Variants in PLEKHG7 observed in about 807,000 individuals in gnomAD.
The protein encoded by PLEKHG7 is pleckstrin homology domain-containing family G member 7.
In PLEKHG7, 77 loss-of-function variants were observed where a neutral mutation model predicts 85.2. The ratio of observed to expected loss-of-function variants is 0.90; its 90% CI spans 0.75 to 1.09. The LOEUF is 1.09. Among genes scored for constraint, PLEKHG7 ranks in the 50% least tolerant of loss-of-function variants. The probability of loss-of-function intolerance (pLI) is 0.00; values close to 1 mark genes in which losing one functional copy is unlikely to be tolerated. For missense variants in PLEKHG7, 777 were observed against 804.3 expected, an observed-to-expected ratio of 0.97 and a Z score of 0.41; for synonymous variants, 301 against 302.4, an observed-to-expected ratio of 1.00 and a Z score of 0.05.
intron 6 of PLEKHG7, 34 bp from the exon 7 acceptor site, chr12:92,737,344 A>G: frequency 7.2e-7 from 1 of 1,382,306 alleles, no homozygotes; most frequent in South Asian, 2.1e-5. Context: ...CTGAGGTGGA[A>G]ATGTTTTGTT....
rs377432654 is a variant in PLEKHG7, at chr12:92,756,024, C to CCAT, written c.1542+86_1542+88dup. ...AGAAATACAATCATCTTAGATGTCC[C>CCAT]CATCTGTCCACTTGAAGAATAAATC... On this transcript the variant is annotated intron_variant, in intron 12 of 16. Transcript: ENST00000344636. 1,586 of 901,728 alleles carry CCAT rather than the reference C, an allele frequency of 1.8e-3. 13 individuals carry two copies. The African/African-American group carries it at 0.024, about 14-fold the overall frequency. 55.9% of individuals were successfully genotyped at this position (901,728 alleles called of 1,614,324 possible).
intron 10 of PLEKHG7, among the ~76,000 whole-genome samples, chr12:92,751,586 C>G (rs1456045434): frequency 6.0e-5 from 9 of 151,258 alleles, no homozygotes; most frequent in African/African-American, 7.3e-5. Context: ...GTTGGCCAGG[C>G]TGGTCTCGAA....
intron 3 of PLEKHG7, chr12:92,721,513 C>A: frequency 8.1e-7 from 1 of 1,229,198 alleles, no homozygotes; most frequent in African/African-American, 1.6e-5. Context: ...CTTGGGGCAA[C>A]GCAACTCAGG....
intron 15 of PLEKHG7, among the ~76,000 whole-genome samples, chr12:92,768,375 C>T (rs1221667600): frequency 6.6e-6 from 1 of 152,196 alleles, no homozygotes; most frequent in Non-Finnish European, 1.5e-5. Context: ...ACAGAACAGG[C>T]TTTCTTTTGC....
intron 1 of PLEKHG7, among the ~76,000 whole-genome samples, chr12:92,704,357 G>A (rs1417187755): frequency 1.3e-5 from 2 of 152,136 alleles, no homozygotes; most frequent in African/African-American, 4.8e-5. Flanking sequence ...TCTCCATGTA[G>A]CAACAATGTA....
chr12:92,761,669 A>AG, intron 13 of PLEKHG7, 83 bp from the exon 14 acceptor site: 1 of 1,339,872 alleles, frequency 7.5e-7, no homozygotes, highest in Non-Finnish European at 9.7e-7. Context: ...AAAGAAAGAA[A>AG]GAAAGAAAGA....
At chr12:92,723,862 C>T (rs191652697) in intron 3 of PLEKHG7, among the ~76,000 whole-genome samples, 14 of 152,056 alleles carry the variant, frequency 9.2e-5, no homozygotes, top group Admixed American at 3.3e-4. Context: ...CTGAGGTCTC[C>T]GGGGAATAGA....
chr12:92,738,236 A>C (rs1225208474), intron 7 of PLEKHG7, among the ~76,000 whole-genome samples: 1 of 151,902 alleles, frequency 6.6e-6, no homozygotes, highest in Non-Finnish European at 1.5e-5. Flanking sequence ...GAGGCTCAGA[A>C]CACAGAATTT....
intron 13 of PLEKHG7, among the ~76,000 whole-genome samples, chr12:92,759,305 C>T (rs1265650605): frequency 6.6e-6 from 1 of 152,136 alleles, no homozygotes; most frequent in Admixed American, 6.5e-5. Flanking sequence ...GGTGTGCTCC[C>T]TGCCTGTTTG....
chr12:92,764,192 C>A lies in PLEKHG7; in HGVS notation c.1868C>A (p.Ser623Ter). The A allele has an allele frequency of 6.2e-7, 1 of 1,601,390 alleles. No homozygotes were observed. The highest frequency in any genetic ancestry group is 1.1e-5 in the South Asian group (1 of 88,602). Residue 623 changes from serine (S) to a stop codon, truncating the protein, a stop_gained and splice_region_variant, in exon 15 of 17, where the codon TCA (serine) becomes TAA (stop). Transcript: ENST00000344636. LOFTEE classifies it high-confidence loss of function. ...AAAAGTATTGAACCACTCCATGTGT[C>A]AGGTATGTGTCTATTTTCATTATTC... ...VVKSIEPLHV[S>*]VFGLRNAFLI...
intron 10 of PLEKHG7, among the ~76,000 whole-genome samples, chr12:92,749,999 ATTATT>A (rs55645352): frequency 9.8e-4 from 92 of 93,688 alleles, no homozygotes; most frequent in East Asian, 1.3e-3. Context: ...ATTTTATTTT[ATTATT>A]TTATTTTATT....
chr12:92,739,051 C>A (rs939163920), intron 7 of PLEKHG7, among the ~76,000 whole-genome samples: 1 of 152,060 alleles, frequency 6.6e-6, no homozygotes, highest in Non-Finnish European at 1.5e-5. Context: ...CAAAACAAAA[C>A]AAAACAAAAC....
At position 92,771,081 on chromosome 12, in the gene PLEKHG7, T is replaced by TA. The variant is rs1171256773; in HGVS notation, c.*887dup. On this transcript the variant is annotated 3_prime_UTR_variant, in exon 17 of 17. Coordinates refer to ENST00000344636, the MANE Select transcript of PLEKHG7 (RefSeq NM_001377329.1). ...GGACTTCAAATTTCTTCAGAATTTT[T>TA]ATCATGAAAGGCAGTTTGAATAATT... 1.3e-5 allele frequency: 2 copies of TA among 151,950 alleles called. No homozygotes were observed. Among genetic ancestry groups the TA allele is most frequent in the African/African-American group, 4.8e-5 (2 of 41,430 alleles). The allele number at this position is 151,950 out of a possible 1,614,324, so 9.4% of individuals were successfully genotyped here.
intron 3 of PLEKHG7, chr12:92,708,537 A>G (rs1266544664): frequency 6.6e-6 from 1 of 152,224 alleles, no homozygotes; most frequent in Non-Finnish European, 1.5e-5. Flanking sequence ...ATAAAAAACC[A>G]CTTAAAGTAA....
intron 3 of PLEKHG7, among the ~76,000 whole-genome samples, chr12:92,712,615 C>T (rs1435164235): frequency 6.6e-6 from 1 of 152,054 alleles, no homozygotes; most frequent in Non-Finnish European, 1.5e-5. Context: ...GCATTAATTT[C>T]CACAATCCCT....
intron 10 of PLEKHG7, among the ~76,000 whole-genome samples, chr12:92,747,318 G>A (rs889681601): frequency 2.7e-5 from 4 of 150,384 alleles, no homozygotes; most frequent in African/African-American, 9.8e-5. Context: ...AAACCACAAT[G>A]AGATATCATC....
intron 10 of PLEKHG7, among the ~76,000 whole-genome samples, chr12:92,752,316 G>A (rs752860017): frequency 1.3e-5 from 2 of 152,092 alleles, no homozygotes; most frequent in Non-Finnish European, 2.9e-5. Context: ...TCATGAGGGG[G>A]TTTACAGCAG....
At chr12:92,742,290 G>A (rs1443171929) in intron 9 of PLEKHG7, among the ~76,000 whole-genome samples, 1 of 152,142 alleles carries the variant, frequency 6.6e-6, no homozygotes, top group African/African-American at 2.4e-5. Flanking sequence ...GAAATTGTAA[G>A]TCTTGTAGGG....
intron 5 of PLEKHG7, among the ~76,000 whole-genome samples, chr12:92,733,734 A>G (rs1872059013): frequency 1.3e-5 from 2 of 152,210 alleles, no homozygotes; most frequent in African/African-American, 4.8e-5. Flanking sequence ...TGCCTGAGAG[A>G]TAGAATATGC....
Sources: gnomAD v4.1 joint callset for allele counts (sites outside exome capture counted in the v4.1 genomes callset) on GRCh38, gnomAD v4.1.1 for gene constraint, MANE v1.5 for transcripts, NCBI Gene and HGNC (gene_info 2026-07-23, HGNC 2026-07-21) for gene names.